UBE3C: variants seen among roughly 807,000 people sequenced by gnomAD.
UBE3C encodes the protein ubiquitin-protein ligase E3C.
Under a neutral mutation model 129.4 loss-of-function variants are expected in UBE3C, and 42 were observed. The observed-to-expected ratio is 0.32, with a 90% CI of 0.25 to 0.42. The LOEUF is 0.42. Ranked by LOEUF, UBE3C falls within the 10% of genes least tolerant of loss-of-function variation. The pLI is 1.00. For missense variants in UBE3C, 1,049 were observed against 1,319.1 expected, an observed-to-expected ratio of 0.80 and a Z score of 3.17; for synonymous variants, 510 against 492.4, an observed-to-expected ratio of 1.04 and a Z score of -0.47.
Position 157,241,269 on chromosome 7 carries a change from A to G in UBE3C, c.2482-7099A>G, listed in dbSNP as rs146183086. On this transcript the variant is annotated intron_variant, in intron 18 of 22. Coordinates refer to ENST00000348165, the MANE Select transcript of UBE3C (RefSeq NM_014671.3). The stretch of plus-strand genomic sequence containing the variant: ...TGTGAGACCAGGAGCACAAAAAACA[A>G]AAGGAAAAATGAACTGGACTTAAAA... Among the ~76,000 whole-genome samples, 290 of 152,350 alleles carry G rather than the reference A, an allele frequency of 1.9e-3. 3 individuals are homozygous for G. The highest frequency in any genetic ancestry group is 6.4e-3 in the African/African-American group (265 of 41,590).
Position 157,139,250 on chromosome 7 carries a change from C to A in UBE3C, c.-23C>A. ...CGGCTGCTTCCGCGGCGGCGCTGCC[C>A]GCACATGGGCTAGGCTGCCAGGATG... On this transcript the variant is annotated 5_prime_UTR_variant, in exon 1 of 23. Coordinates refer to ENST00000348165, the MANE Select transcript of UBE3C (RefSeq NM_014671.3). 6.7e-7 allele frequency: 1 copy of A among 1,495,746 alleles called. No individual in the cohort carries two copies. Among genetic ancestry groups the A allele is most frequent in the Non-Finnish European group, 8.9e-7 (1 of 1,122,956 alleles). 92.7% of individuals were successfully genotyped at this position (1,495,746 alleles called of 1,614,324 possible). A position where few individuals can be genotyped will look rare whatever the true frequency, so the allele number is the denominator to read the frequency against.
chr7:157,153,771 G>A (rs1434413727), intron 1 of UBE3C, among the ~76,000 whole-genome samples: 2 of 152,238 alleles, frequency 1.3e-5, no homozygotes, highest in South Asian at 2.1e-4. Context: ...GAGCCCAGGA[G>A]TTCCAGATCA....
intron 4 of UBE3C, among the ~76,000 whole-genome samples, chr7:157,172,134 C>T (rs928083911): frequency 2.0e-5 from 3 of 151,636 alleles, no homozygotes; most frequent in African/African-American, 4.9e-5. Context: ...TGGGTTCAAG[C>T]GATTCTCCTA....
chr7:157,233,872 T>C (rs1204623113), intron 18 of UBE3C, among the ~76,000 whole-genome samples: 1 of 152,244 alleles, frequency 6.6e-6, no homozygotes, highest in East Asian at 1.9e-4. Context: ...CTTAGTGTTG[T>C]CTTTTTCATT....
chr7:157,189,621 C>G (rs1460547426), intron 10 of UBE3C, among the ~76,000 whole-genome samples: 1 of 152,190 alleles, frequency 6.6e-6, no homozygotes, highest in East Asian at 1.9e-4. Context: ...CGCGGCATTC[C>G]TGGCCTTTGT....
At chr7:157,191,981 T>G (rs1808981074) in intron 10 of UBE3C, among the ~76,000 whole-genome samples, 1 of 152,244 alleles carries the variant, frequency 6.6e-6, no homozygotes, top group South Asian at 2.1e-4. Context: ...AATTGCATTC[T>G]CTTTCATGAA....
intron 22 of UBE3C, among the ~76,000 whole-genome samples, chr7:157,263,821 A>G (rs1796989659): frequency 6.6e-6 from 1 of 151,588 alleles, no homozygotes; most frequent in Non-Finnish European, 1.5e-5. Context: ...AATTGTGATC[A>G]AGTATAAGAA....
At chr7:157,209,916 C>A (rs966393464) in intron 13 of UBE3C, among the ~76,000 whole-genome samples, 1 of 152,254 alleles carries the variant, frequency 6.6e-6, no homozygotes, top group Non-Finnish European at 1.5e-5. Context: ...TGTGGTGGCT[C>A]ACGCCTATAA....
chr7:157,182,438 T>C (rs1398355085), intron 8 of UBE3C, 110 bp downstream of exon 8: 5 of 1,091,536 alleles, frequency 4.6e-6, no homozygotes, highest in East Asian at 2.5e-5. Flanking sequence ...GGGCCTCTCC[T>C]GGAGGAGTGT....
intron 15 of UBE3C, 86 bp downstream of exon 15, chr7:157,220,862 C>A: frequency 6.9e-7 from 1 of 1,443,002 alleles, no homozygotes; most frequent in Non-Finnish European, 9.4e-7. Context: ...TGTTATTTTT[C>A]ATAAACTTAT....
Position 157,209,145 on chromosome 7 carries a change from G to A in UBE3C, c.1809+1210G>A, listed in dbSNP as rs1028246163. On this transcript the variant is annotated intron_variant, in intron 13 of 22. Transcript: ENST00000348165. ...GATGTCAAGCTAGACTTTAGGAAGGGCCCATTAATGCTTGCACTTAACCTG... is the reference window on the plus strand; with the variant it reads ...GATGTCAAGCTAGACTTTAGGAAGGACCCATTAATGCTTGCACTTAACCTG... 2.0e-5 allele frequency among the ~76,000 whole-genome samples: 3 copies of A among 152,156 alleles called. No homozygotes were observed. The South Asian group carries it at 6.2e-4, about 32-fold the overall frequency.
chr7:157,174,165 C>A (rs1808452989), intron 4 of UBE3C, among the ~76,000 whole-genome samples: 1 of 152,146 alleles, frequency 6.6e-6, no homozygotes, highest in Non-Finnish European at 1.5e-5. Context: ...GAGTTCGAGA[C>A]CAGCCTGGCC....
At chr7:157,225,711 G>T (rs939859550) in intron 17 of UBE3C, among the ~76,000 whole-genome samples, 172 bp downstream of exon 17, 4 of 152,186 alleles carry the variant, frequency 2.6e-5, no homozygotes, top group Admixed American at 2.6e-4. Flanking sequence ...CACTTTGGGA[G>T]GCTGAGGTGA....
At chr7:157,245,905 C>T (rs1028685768) in intron 18 of UBE3C, among the ~76,000 whole-genome samples, 3 of 149,588 alleles carry the variant, frequency 2.0e-5, no homozygotes, top group Non-Finnish European at 3.0e-5. Flanking sequence ...ACAGGAGAAT[C>T]GCTTGAACTC....
At position 157,256,999 on chromosome 7, in the gene UBE3C, G is replaced by A. The variant is rs753161707; in HGVS notation, c.3036G>A (p.Leu1012=). 3.7e-6 allele frequency: 6 copies of A among 1,614,094 alleles called. No homozygotes were observed. The highest frequency in any genetic ancestry group is 3.3e-5 in the Admixed American group (2 of 60,004). Residue 1012 remains leucine, a synonymous_variant, in exon 22 of 23, where the codon CTG becomes CTA. Coordinates refer to ENST00000348165, the MANE Select transcript of UBE3C (RefSeq NM_014671.3). Reference sequence around the variant, plus strand: ...CTGATGAAGAAAAGCGCAAACTGCTGAAGTTTGTAACAAGCTGCTCTCGAC... The same window carrying A: ...CTGATGAAGAAAAGCGCAAACTGCTAAAGTTTGTAACAAGCTGCTCTCGAC... ...GFTDEEKRKL[L]KFVTSCSRPP...
chr7:157,192,552 A>G, intron 10 of UBE3C: 1 of 765,148 alleles, frequency 1.3e-6, no homozygotes, highest in African/African-American at 1.7e-5. Flanking sequence ...CAACATTCAA[A>G]AGGAGCTTAC....
At chr7:157,168,624 A>G (rs1345465747) in intron 2 of UBE3C, among the ~76,000 whole-genome samples, 1 of 152,248 alleles carries the variant, frequency 6.6e-6, no homozygotes, top group Non-Finnish European at 1.5e-5. Context: ...CTTAAAAAGG[A>G]ATGAAGTTCT....
At chr7:157,248,057 CCTT>C (rs1467598631) in intron 18 of UBE3C, among the ~76,000 whole-genome samples, 2 of 152,324 alleles carry the variant, frequency 1.3e-5, no homozygotes, top group African/African-American at 4.8e-5. Flanking sequence ...GATTCACCAT[CCTT>C]CTGTTGAGGA....
intron 4 of UBE3C, among the ~76,000 whole-genome samples, chr7:157,171,221 G>A (rs970133685): frequency 6.6e-6 from 1 of 152,204 alleles, no homozygotes; most frequent in South Asian, 2.1e-4. Context: ...CCCCTCCCGG[G>A]CTCAAGCAAT....
Sources: allele counts gnomAD v4.1 joint callset (sites outside exome capture counted in the v4.1 genomes callset), GRCh38; gene constraint gnomAD v4.1.1; transcripts MANE v1.5; gene names NCBI Gene and HGNC (gene_info 2026-07-23, HGNC 2026-07-21).